The following CNTN5 variants were observed in gnomAD, a reference collection of about 807,000 sequenced individuals.
The protein encoded by CNTN5 is contactin-5.
In CNTN5, 77 loss-of-function variants were observed where a neutral mutation model predicts 129.1. The ratio of observed to expected loss-of-function variants is 0.60; its 90% CI spans 0.50 to 0.72. The LOEUF is 0.72. CNTN5 is among the 30% of genes least tolerant of loss of function. CNTN5 has a pLI of 0.00. For synonymous variants in CNTN5, 509 were observed against 465.6 expected, an observed-to-expected ratio of 1.09 and a Z score of -1.20; for missense variants, 1,478 against 1,328.8, an observed-to-expected ratio of 1.11 and a Z score of -1.75.
chr11:99,570,809 C>T (rs1949152492), intron 3 of CNTN5, among the ~76,000 whole-genome samples: 1 of 151,952 alleles, frequency 6.6e-6, no homozygotes, highest in African/African-American at 2.4e-5. Context: ...GATGGGGTGG[C>T]AAGGTGTTAT....
chr11:99,642,429 A>G (rs1951804229), intron 3 of CNTN5, among the ~76,000 whole-genome samples: 1 of 152,150 alleles, frequency 6.6e-6, no homozygotes, highest in Non-Finnish European at 1.5e-5. Flanking sequence ...GAAATGCTGA[A>G]TTAAGCTTTT....
intron 7 of CNTN5, among the ~76,000 whole-genome samples, chr11:99,951,553 C>CTAT (rs1434500626): frequency 2.6e-5 from 4 of 152,092 alleles, no homozygotes; most frequent in Non-Finnish European, 4.4e-5. Flanking sequence ...ATCCATGAGG[C>CTAT]TATTAACCTC....
chr11:100,103,102 A>G (rs1304497387), intron 13 of CNTN5, among the ~76,000 whole-genome samples: 2 of 152,206 alleles, frequency 1.3e-5, no homozygotes, highest in Non-Finnish European at 2.9e-5. Context: ...AGTTGCCTTC[A>G]ACTCATTCTG....
intron 3 of CNTN5, among the ~76,000 whole-genome samples, chr11:99,724,089 CT>C (rs1943259686): frequency 6.6e-6 from 1 of 152,170 alleles, no homozygotes; most frequent in Non-Finnish European, 1.5e-5. Flanking sequence ...AAACTAGAAA[CT>C]TCCTGTCTTT....
At chr11:100,240,649 A>G (rs183756914) in intron 16 of CNTN5, among the ~76,000 whole-genome samples, 3 of 152,206 alleles carry the variant, frequency 2.0e-5, no homozygotes, top group Admixed American at 1.3e-4. Context: ...ATGATCATGA[A>G]ACATGTCTTG....
At chr11:99,627,870 C>G (rs182630740) in intron 3 of CNTN5, among the ~76,000 whole-genome samples, 112 of 150,866 alleles carry the variant, frequency 7.4e-4, no homozygotes, top group African/African-American at 2.7e-3. Context: ...GCAGATTATT[C>G]CCCTGTTCCT....
At chr11:99,910,120 C>T (rs1478580040) in intron 6 of CNTN5, among the ~76,000 whole-genome samples, 3 of 150,610 alleles carry the variant, frequency 2.0e-5, no homozygotes, top group Non-Finnish European at 3.0e-5. Context: ...ACTTTGAAAA[C>T]TCAAATCTTT....
chr11:99,673,766 A>G (rs1353031243), intron 3 of CNTN5, among the ~76,000 whole-genome samples: 6 of 1,504 alleles, frequency 4.0e-3, no homozygotes, highest in Non-Finnish European at 0.17. Flanking sequence ...TCCCTGCAGA[A>G]AAAAAAAAAA....
At chr11:99,619,877 T>G (rs1231765323) in intron 3 of CNTN5, among the ~76,000 whole-genome samples, 1 of 151,604 alleles carries the variant, frequency 6.6e-6, no homozygotes, top group African/African-American at 2.4e-5. Context: ...ATACAAAAAA[T>G]TAGCCGGGCA....
At chr11:99,743,220 C>A (rs1456985131) in intron 3 of CNTN5, among the ~76,000 whole-genome samples, 1 of 152,130 alleles carries the variant, frequency 6.6e-6, no homozygotes, top group African/African-American at 2.4e-5. Flanking sequence ...AATCCTATGC[C>A]TGATTATGCA....
intron 13 of CNTN5, among the ~76,000 whole-genome samples, chr11:100,170,107 T>C (rs1947778438): frequency 6.6e-6 from 1 of 152,000 alleles, no homozygotes; most frequent in South Asian, 2.1e-4. Flanking sequence ...ATATGTTTAA[T>C]GTTAAATAAT....
chr11:99,338,932 A>ATATG (rs1866373928), intron 2 of CNTN5, among the ~76,000 whole-genome samples: 1 of 142,950 alleles, frequency 7.0e-6, no homozygotes, highest in Non-Finnish European at 1.5e-5. Context: ...ATATATATAT[A>ATATG]TATATATATA....
At chr11:99,527,117 A>G (rs1379334518) in intron 2 of CNTN5, among the ~76,000 whole-genome samples, 3 of 152,186 alleles carry the variant, frequency 2.0e-5, no homozygotes, top group Non-Finnish European at 4.4e-5. Flanking sequence ...GATAGCTGGG[A>G]TGTCTGAAAT....
Position 100,014,494 on chromosome 11 carries a change from T to A in CNTN5, c.980+12358T>A, listed in dbSNP as rs144973736. On this transcript the variant is annotated intron_variant, in intron 9 of 24. Coordinates refer to ENST00000524871, the MANE Select transcript of CNTN5 (RefSeq NM_014361.4). Reference sequence around the variant, plus strand: ...TACTCAGGAGGCTGAGGCAAGAGAATCGCTTGAACCTGGGAGGCGGAGGTT... The same window carrying A: ...TACTCAGGAGGCTGAGGCAAGAGAAACGCTTGAACCTGGGAGGCGGAGGTT... 1.1e-3 allele frequency among the ~76,000 whole-genome samples: 167 copies of A among 152,220 alleles called. 1 individual carries two copies. The highest frequency in any genetic ancestry group is 3.8e-3 in the African/African-American group (157 of 41,544).
chr11:99,785,967 C>T (rs969039718), intron 3 of CNTN5, among the ~76,000 whole-genome samples: 4 of 152,042 alleles, frequency 2.6e-5, no homozygotes, highest in Non-Finnish European at 5.9e-5. Context: ...CTGTCTCTCA[C>T]CACTCCTATT....
chr11:99,295,866 G>T (rs1339561658), intron 1 of CNTN5, among the ~76,000 whole-genome samples: 1 of 130,210 alleles, frequency 7.7e-6, no homozygotes, highest in Non-Finnish European at 1.6e-5. Context: ...CTGGGCGACA[G>T]AGCGAGACTC....
intron 1 of CNTN5, among the ~76,000 whole-genome samples, chr11:99,323,907 G>A (rs1865673228): frequency 6.6e-6 from 1 of 152,086 alleles, no homozygotes; most frequent in African/African-American, 2.4e-5. Context: ...GAGGAAAAGA[G>A]GGAAGGAGGA....
intron 1 of CNTN5, among the ~76,000 whole-genome samples, chr11:99,263,294 C>A (rs577435612): frequency 6.6e-6 from 1 of 152,016 alleles, no homozygotes; most frequent in Non-Finnish European, 1.5e-5. Context: ...AAAAACTATC[C>A]TTTTGAAAAG....
Position 100,074,191 on chromosome 11 carries a change from G to T in CNTN5, c.1477G>T (p.Val493Phe), listed in dbSNP as rs753163987. The change falls in exon 13 of 25, where the codon GTT (valine) becomes TTT (phenylalanine). Residue 493 changes from valine to phenylalanine, a missense_variant. Coordinates refer to ENST00000524871, the MANE Select transcript of CNTN5 (RefSeq NM_014361.4). ...ALNQLKKTII[V>F]TKDQEVVIEC... ...GAATCAACTGAAGAAAACAATAATT[G>T]TTACCAAAGACCAAGAAGTTGTCAT... The T allele has an allele frequency of 3.1e-6, 5 of 1,612,556 alleles. No homozygotes were observed. Among genetic ancestry groups the T allele is most frequent in the Middle Eastern group, 1.7e-4 (1 of 6,054 alleles).
Sources: gnomAD v4.1 joint callset for allele counts (sites outside exome capture counted in the v4.1 genomes callset) on GRCh38, gnomAD v4.1.1 for gene constraint, MANE v1.5 for transcripts, NCBI Gene and HGNC (gene_info 2026-07-23, HGNC 2026-07-21) for gene names.